SYNRG: variants seen among roughly 807,000 people sequenced by gnomAD.
SYNRG encodes the protein AP1 gamma subunit binding protein 1.
SYNRG carries 37 observed loss-of-function variants against 130.9 expected under a neutral mutation model. The ratio of observed to expected loss-of-function variants is 0.28; its 90% confidence interval spans 0.22 to 0.37. SYNRG has a LOEUF of 0.37. Ranked by LOEUF, SYNRG falls within the 10% of genes least tolerant of loss-of-function variation. The pLI, the probability that SYNRG is intolerant of heterozygous loss-of-function variation, is 1.00. For missense variants in SYNRG, 1,338 were observed against 1,588.9 expected, an observed-to-expected ratio of 0.84 and a Z score of 2.68; for synonymous variants, 539 against 568.1, an observed-to-expected ratio of 0.95 and a Z score of 0.73.
intron 8 of SYNRG, among the ~76,000 whole-genome samples, chr17:37,575,954 G>T (rs1393965792): frequency 6.7e-6 from 1 of 149,718 alleles, no homozygotes; most frequent in Non-Finnish European, 1.5e-5. Flanking sequence ...GTCATAGAAA[G>T]AATATTTTTA....
rs749328257 is a variant in SYNRG, at chr17:37,586,456, T to C, written c.334A>G (p.Thr112Ala). 3 of 1,614,144 alleles carry C rather than the reference T, an allele frequency of 1.9e-6. No homozygotes were observed. The highest frequency in any genetic ancestry group is 1.1e-5 in the South Asian group (1 of 91,082). Residue 112 changes from threonine (T) to alanine (A), a missense_variant, in exon 4 of 22, where the codon ACT (threonine) becomes GCT (alanine). Physicochemically the swap from Thr to Ala is moderately conservative, Grantham distance 58. Around this residue, in one of 3 missense-constraint regions of SYNRG, gnomAD observed 184 missense variants for 217.2 expected, o/e 0.85. Transcript: ENST00000612223. ...GCAAACTGCTTCTGCATGTCTGGAG[T>C]GTACTGTGGGCCTGGAGGACGCATG... Reference protein sequence around the residue: ...LGMRPPGPQYTPDMQKQFAEE... With the variant: ...LGMRPPGPQYAPDMQKQFAEE...
intron 1 of SYNRG, among the ~76,000 whole-genome samples, chr17:37,607,614 C>A (rs1233123402): frequency 2.0e-5 from 3 of 152,176 alleles, no homozygotes; most frequent in African/African-American, 7.2e-5. Flanking sequence ...CATGGTGAAA[C>A]CCCGTCTCTA....
intron 1 of SYNRG, among the ~76,000 whole-genome samples, chr17:37,601,217 G>A (rs987366907): frequency 2.0e-5 from 3 of 151,784 alleles, no homozygotes; most frequent in Non-Finnish European, 4.4e-5. Context: ...ACAGGCACCC[G>A]CCACCACGAC....
intron 6 of SYNRG, among the ~76,000 whole-genome samples, chr17:37,581,831 C>T (rs1465175872): frequency 6.7e-6 from 1 of 148,460 alleles, no homozygotes; most frequent in Non-Finnish European, 1.5e-5. Context: ...ATGGCATGAT[C>T]TCCGCTCACA....
intron 13 of SYNRG, among the ~76,000 whole-genome samples, chr17:37,554,693 G>A (rs1289540462): frequency 6.6e-6 from 1 of 151,998 alleles, no homozygotes; most frequent in Non-Finnish European, 1.5e-5. Context: ...TTCTAGGTGG[G>A]GCACATTGTA....
chr17:37,539,935 C>A (rs763751188), intron 16 of SYNRG, among the ~76,000 whole-genome samples: 12 of 152,098 alleles, frequency 7.9e-5, no homozygotes, highest in Admixed American at 2.0e-4. Flanking sequence ...GGACGTGGCC[C>A]ATGTGCACAT....
chr17:37,544,035 G>A (rs1446998885), intron 14 of SYNRG, among the ~76,000 whole-genome samples: 12 of 152,206 alleles, frequency 7.9e-5, no homozygotes, highest in Non-Finnish European at 1.3e-4. Context: ...TTCATTCACA[G>A]CAATACTGCA....
intron 4 of SYNRG, 60 bp from the exon 5 acceptor site, chr17:37,585,490 T>G: frequency 8.5e-7 from 1 of 1,182,178 alleles, no homozygotes; most frequent in South Asian, 1.3e-5. Context: ...GTGTTTTATA[T>G]TCAGATTTCT....
intron 19 of SYNRG, among the ~76,000 whole-genome samples, chr17:37,529,538 C>CAAA (rs3049513): frequency 7.2e-5 from 9 of 124,614 alleles, no homozygotes; most frequent in East Asian, 4.5e-4. Context: ...ATATATTTTA[C>CAAA]AAAAAAAAAA....
Position 37,518,905 on chromosome 17 carries a change from G to GA in SYNRG, c.*34dup, listed in dbSNP as rs760362075. 3,277 of 1,396,806 alleles carry GA rather than the reference G, an allele frequency of 2.3e-3. No homozygotes were observed. The highest frequency in any genetic ancestry group is 4.6e-3 in the Admixed American group (239 of 52,444). 86.5% of individuals were successfully genotyped at this position (1,396,806 alleles called of 1,614,324 possible). A position where few individuals can be genotyped will look rare whatever the true frequency, so the allele number is the denominator to read the frequency against. ...CCCTGTCACCCCGTGGGGTGTCACAGAAAAAAAAAAGTCAATGCTTCACAG... is the reference window on the plus strand; with the variant it reads ...CCCTGTCACCCCGTGGGGTGTCACAGAAAAAAAAAAAGTCAATGCTTCACAG... On this transcript the variant is annotated 3_prime_UTR_variant, in exon 22 of 22. Coordinates refer to ENST00000612223, the MANE Select transcript of SYNRG (RefSeq NM_007247.6).
In SYNRG at chr17:37,515,431, G is replaced by C. The variant is rs2054352972; in HGVS notation, c.*3509C>G. On this transcript the variant is annotated 3_prime_UTR_variant, in exon 22 of 22. Coordinates refer to ENST00000612223, the MANE Select transcript of SYNRG (RefSeq NM_007247.6). The stretch of plus-strand genomic sequence containing the variant: ...GTCAGTTTATTAACTGTTCACAAAG[G>C]CAGGCATTTGACCTTGAAGGTGTTA... 1.3e-5 allele frequency: 2 copies of C among 152,172 alleles called. No individual in the cohort carries two copies. Among genetic ancestry groups the C allele is most frequent in the Non-Finnish European group, 2.9e-5 (2 of 68,056 alleles). 9.4% of individuals were successfully genotyped at this position (152,172 alleles called of 1,614,324 possible). A position where few individuals can be genotyped will look rare whatever the true frequency, so the allele number is the denominator to read the frequency against.
At chr17:37,607,905 G>A (rs558559238) in intron 1 of SYNRG, among the ~76,000 whole-genome samples, 13 of 134,648 alleles carry the variant, frequency 9.7e-5, no homozygotes, top group Admixed American at 8.2e-4. Flanking sequence ...GCAGCGGGTC[G>A]AGATCACGCC....
chr17:37,530,613 A>T (rs2056526855), intron 19 of SYNRG, among the ~76,000 whole-genome samples: 2 of 152,242 alleles, frequency 1.3e-5, no homozygotes, highest in Admixed American at 1.3e-4. Flanking sequence ...TTTTTCTCCC[A>T]AGTTCCTTGG....
rs2054515255 is a variant in SYNRG at position 37,517,465 on chromosome 17, C to G, written c.*1475G>C. The G allele has an allele frequency of 6.6e-6, 1 of 151,850 alleles. No individual in the cohort carries two copies. Among genetic ancestry groups the G allele is most frequent in the Non-Finnish European group, 1.5e-5 (1 of 67,996 alleles). 9.4% of individuals were successfully genotyped at this position (151,850 alleles called of 1,614,324 possible). A position where few individuals can be genotyped will look rare whatever the true frequency, so the allele number is the denominator to read the frequency against. On this transcript the variant is annotated 3_prime_UTR_variant, in exon 22 of 22. Coordinates refer to ENST00000612223, the MANE Select transcript of SYNRG (RefSeq NM_007247.6). ...TATCATCGGGAGCGAGTGAGAAAAG[C>G]CTTTCTCTCCTCGGTGCCTCTCTGT...
At chr17:37,586,648 T>C in intron 3 of SYNRG, 99 bp from the exon 4 acceptor site, 1 of 1,339,988 alleles carries the variant, frequency 7.5e-7, no homozygotes, top group Non-Finnish European at 1.0e-6. Flanking sequence ...ATACTCTTAT[T>C]TGTAAAAAAT....
At chr17:37,567,669 G>A (rs1454678713) in intron 11 of SYNRG, 1 of 152,092 alleles carries the variant, frequency 6.6e-6, no homozygotes, top group Non-Finnish European at 1.5e-5. Context: ...TTCCTAATTT[G>A]TAATTCTCTA....
chr17:37,547,377 T>C (rs564852804), intron 14 of SYNRG, among the ~76,000 whole-genome samples: 3 of 152,058 alleles, frequency 2.0e-5, no homozygotes, highest in East Asian at 1.9e-4. Context: ...GGAAGTGCAA[T>C]TGAGGCCTTT....
chr17:37,605,887 C>T, intron 1 of SYNRG: 1 of 985,462 alleles, frequency 1.0e-6, no homozygotes, highest in Non-Finnish European at 1.2e-6. Context: ...CTAGGCTTCA[C>T]TTCTTAGGCC....
chr17:37,578,374 C>CA (rs1255248714), intron 6 of SYNRG, among the ~76,000 whole-genome samples: 1 of 151,692 alleles, frequency 6.6e-6, no homozygotes, highest in Non-Finnish European at 1.5e-5. Context: ...AATCACTGCA[C>CA]ATTTGTATAG....
Sources: gnomAD v4.1 joint callset for allele counts (sites outside exome capture counted in the v4.1 genomes callset) on GRCh38, gnomAD v4.1.1 for gene constraint, gnomAD v4.1.1 regional missense constraint, MANE v1.5 for transcripts, NCBI Gene and HGNC (gene_info 2026-07-23, HGNC 2026-07-21) for gene names.